The following AK8 variants were observed in gnomAD, a reference collection of about 807,000 sequenced individuals.
The protein encoded by AK8 is adenylate kinase 8, also known as ATP-AMP transphosphorylase 8.
Under a neutral mutation model 54.6 loss-of-function variants are expected in AK8, and 44 were observed. The observed-to-expected ratio is 0.81, with a 90% CI of 0.63 to 1.04. The LOEUF is 1.04. Among genes scored for constraint, AK8 ranks in the 50% least tolerant of loss-of-function variants. AK8 has a pLI of 0.00. For missense variants in AK8, 555 were observed against 613.6 expected, an observed-to-expected ratio of 0.90 and a Z score of 1.01; for synonymous variants, 239 against 245.6, an observed-to-expected ratio of 0.97 and a Z score of 0.25.
intron 5 of AK8, among the ~76,000 whole-genome samples, chr9:132,849,811 G>A (rs569294768): frequency 7.9e-5 from 12 of 151,744 alleles, no homozygotes; most frequent in South Asian, 2.1e-4. Flanking sequence ...GCCGTGGTGC[G>A]TGTCGGCTCA....
intron 11 of AK8, among the ~76,000 whole-genome samples, chr9:132,760,312 G>A (rs1468861193): frequency 6.6e-6 from 1 of 152,014 alleles, no homozygotes; most frequent in Non-Finnish European, 1.5e-5. Context: ...TCTCCCAGTA[G>A]CTGAGATTAC....
intron 11 of AK8, among the ~76,000 whole-genome samples, chr9:132,737,532 T>C (rs1837178347): frequency 1.3e-5 from 2 of 152,126 alleles, no homozygotes; most frequent in Admixed American, 1.3e-4. Context: ...GAATAATACA[T>C]CACAACCAAG....
At chr9:132,794,517 C>T (rs1840072464) in intron 10 of AK8, among the ~76,000 whole-genome samples, 1 of 152,228 alleles carries the variant, frequency 6.6e-6, no homozygotes, top group Non-Finnish European at 1.5e-5. Flanking sequence ...GCCTGCACTT[C>T]TCATCCTCCC....
intron 4 of AK8, among the ~76,000 whole-genome samples, chr9:132,856,601 C>G (rs1407583851): frequency 6.6e-6 from 1 of 152,194 alleles, no homozygotes. Flanking sequence ...CTGCACACCC[C>G]ACTCCCAGCC....
At position 132,827,172 on chromosome 9, in the gene AK8, G is replaced by A. The variant is rs1168849946; in HGVS notation, c.557-118C>T. 4 of 956,494 alleles carry A rather than the reference G, an allele frequency of 4.2e-6. No individual in the cohort carries two copies. The Admixed American group carries it at 6.0e-5, about 14-fold the overall frequency. The allele number at this position is 956,494 out of a possible 1,614,324, so 59.3% of individuals were successfully genotyped here. On this transcript the variant is annotated intron_variant, in intron 7 of 12. Transcript: ENST00000298545. ...CAGGCCCTACACATTCCTGGGGTGT[G>A]GCTGACCACGGCAGGACACCGTTGC...
chr9:132,755,917 G>A (rs1158223632), intron 11 of AK8, among the ~76,000 whole-genome samples: 5 of 152,198 alleles, frequency 3.3e-5, no homozygotes, highest in Admixed American at 2.0e-4. Flanking sequence ...ACAGGCATGC[G>A]CCACCATGCC....
rs574196698 is a variant in AK8 at position 132,800,782 on chromosome 9, G to A, written c.980-8007C>T. Reference sequence around the variant, plus strand: ...TTGTGCCCCTCCTCCCTTGGAGAGGGCCACCCACTTTCTGTCACTCTCTTC... The same window carrying A: ...TTGTGCCCCTCCTCCCTTGGAGAGGACCACCCACTTTCTGTCACTCTCTTC... On this transcript the variant is annotated intron_variant, in intron 10 of 12. Coordinates refer to ENST00000298545, the MANE Select transcript of AK8 (RefSeq NM_152572.3). 4.6e-4 allele frequency among the ~76,000 whole-genome samples: 70 copies of A among 152,254 alleles called. 1 individual carries two copies. The highest frequency in any genetic ancestry group is 4.1e-3 in the Admixed American group (63 of 15,288).
chr9:132,763,841 A>G (rs1838598191), intron 11 of AK8, among the ~76,000 whole-genome samples: 1 of 152,242 alleles, frequency 6.6e-6, no homozygotes, highest in African/African-American at 2.4e-5. Context: ...ACAATCCCAA[A>G]GCCTACAGGG....
At chr9:132,855,312 C>CACTAACCA (rs1196195596) in intron 4 of AK8, among the ~76,000 whole-genome samples, 10 of 152,208 alleles carry the variant, frequency 6.6e-5, no homozygotes, top group Non-Finnish European at 1.0e-4. Context: ...TCTGTCACTG[C>CACTAACCA]ACTAACCACC....
Position 132,738,229 on chromosome 9 carries a change from A to G in AK8, c.1122-10695T>C, listed in dbSNP as rs1165494607. On this transcript the variant is annotated intron_variant, in intron 11 of 12. Coordinates refer to ENST00000298545, the MANE Select transcript of AK8 (RefSeq NM_152572.3). The stretch of plus-strand genomic sequence containing the variant: ...CCACCACGCCCGGCTAATTTTTTGT[A>G]TTTTTAGTAGAGATGAGGTTTTACT... Among the ~76,000 whole-genome samples, 4 of 151,750 alleles carry G rather than the reference A, an allele frequency of 2.6e-5. No individual in the cohort carries two copies. The East Asian group carries it at 7.7e-4, about 29-fold the overall frequency.
intron 5 of AK8, among the ~76,000 whole-genome samples, chr9:132,849,550 C>T (rs214633): frequency 0.2 from 30,032 of 152,128 alleles, 3,271 homozygotes; most frequent in East Asian, 0.44. Context: ...CACACCTGGG[C>T]AGAAGACCAT....
intron 5 of AK8, among the ~76,000 whole-genome samples, chr9:132,850,642 C>A (rs1397241993): frequency 6.6e-6 from 1 of 152,136 alleles, no homozygotes; most frequent in African/African-American, 2.4e-5. Flanking sequence ...AGGTGATCCG[C>A]CCGCCTCGCC....
At chr9:132,817,753 T>C (rs382208) in intron 9 of AK8, among the ~76,000 whole-genome samples, 31,002 of 151,994 alleles carry the variant, frequency 0.2, 3,448 homozygotes, top group East Asian at 0.44. Flanking sequence ...CAGTCTAACA[T>C]ATGTGGAACT....
intron 5 of AK8, among the ~76,000 whole-genome samples, chr9:132,841,936 G>A (rs964447886): frequency 1.3e-5 from 2 of 152,030 alleles, no homozygotes; most frequent in South Asian, 2.1e-4. Context: ...ACCTGAACCC[G>A]GGGTCCCAAG....
At chr9:132,736,935 T>G (rs886651201) in intron 11 of AK8, among the ~76,000 whole-genome samples, 1 of 151,980 alleles carries the variant, frequency 6.6e-6, no homozygotes, top group African/African-American at 2.4e-5. Flanking sequence ...GTCAAATTCA[T>G]ACAGACAGAA....
intron 10 of AK8, among the ~76,000 whole-genome samples, chr9:132,793,430 A>T (rs1370973600): frequency 6.6e-6 from 1 of 152,156 alleles, no homozygotes; most frequent in Non-Finnish European, 1.5e-5. Context: ...CTGGAAGCGC[A>T]CCAGCTCCAG....
chr9:132,756,512 C>G (rs1016965209), intron 11 of AK8, among the ~76,000 whole-genome samples: 5 of 152,184 alleles, frequency 3.3e-5, no homozygotes, highest in South Asian at 2.1e-4. Context: ...CCTTTTAAAC[C>G]ACCTTCTGCA....
chr9:132,850,080 G>T (rs1213908249), intron 5 of AK8, among the ~76,000 whole-genome samples: 1 of 143,220 alleles, frequency 7.0e-6, no homozygotes, highest in Non-Finnish European at 1.5e-5. Flanking sequence ...TTGAGACAGG[G>T]TCTCACTCTG....
chr9:132,863,070 T>C (rs1361721510), intron 4 of AK8, among the ~76,000 whole-genome samples: 1 of 152,260 alleles, frequency 6.6e-6, no homozygotes, highest in East Asian at 1.9e-4. Flanking sequence ...GTTTTTCAAA[T>C]ATCGAGCTGT....
Sources: gnomAD v4.1 joint callset for allele counts (sites outside exome capture counted in the v4.1 genomes callset) on GRCh38, gnomAD v4.1.1 for gene constraint, MANE v1.5 for transcripts, NCBI Gene and HGNC (gene_info 2026-07-23, HGNC 2026-07-21) for gene names.